Variants in UNC5A observed in about 807,000 individuals in gnomAD.
The protein encoded by UNC5A is unc-5 netrin receptor A, also known as netrin receptor UNC5A.
In UNC5A, 20 loss-of-function variants were observed where a neutral mutation model predicts 87.4. The observed-to-expected ratio is 0.23, with a 90% confidence interval of 0.16 to 0.33. UNC5A has a LOEUF of 0.33. UNC5A is among the 10% of genes least tolerant of loss of function. The pLI, the probability that UNC5A is intolerant of heterozygous loss-of-function variation, is 1.00. For synonymous variants in UNC5A, 438 were observed against 482.3 expected (o/e 0.91, Z 1.20); for missense variants, 844 against 1,133.4 (o/e 0.74, Z 3.67).
Position 176,830,430 on chromosome 5 carries a change from T to C in UNC5A, c.70+19610T>C, listed in dbSNP as rs542391043. Among the ~76,000 whole-genome samples, 29 of 131,760 alleles carry C rather than the reference T, an allele frequency of 2.2e-4. No homozygotes were observed. The East Asian group carries it at 6.3e-3, about 29-fold the overall frequency. 86.4% of individuals were successfully genotyped at this position (131,760 alleles called of 152,430 possible). ...GTGCCAGTGCGTGTGTGTGCTGCTG[T>C]GTGCTGGCATGTGTGTGTGTGTGTT... is the stretch of plus-strand genomic sequence containing the variant. On this transcript the variant is annotated intron_variant, in intron 1 of 14. Transcript: ENST00000329542.
intron 8 of UNC5A, among the ~76,000 whole-genome samples, chr5:176,876,670 A>G (rs4976630): frequency 0.13 from 19,040 of 152,210 alleles, 1,624 homozygotes; most frequent in African/African-American, 0.24. Context: ...GGACCATGGC[A>G]TGGCAGAGAG....
chr5:176,848,411 A>G lies in UNC5A; in HGVS notation c.71-14213A>G, dbSNP rs773384591. Among the ~76,000 whole-genome samples the G allele has an allele frequency of 2.0e-5, 3 of 152,212 alleles. No individual in the cohort carries two copies. Among genetic ancestry groups the G allele is most frequent in the Non-Finnish European group, 4.4e-5 (3 of 68,038 alleles). ...TTCCTCCATGTTCCTCCAAGACCCT[A>G]GAGCCCATTAAAGGGGCAGGAAAGA... On this transcript the variant is annotated intron_variant, in intron 1 of 14. Transcript: ENST00000329542. This position sits in a 1 kb window ranked among gnomAD's most constrained non-coding sequence, Gnocchi z 5.8.
At chr5:176,812,973 C>T (rs190299849) in intron 1 of UNC5A, among the ~76,000 whole-genome samples, 1,833 of 152,324 alleles carry the variant, frequency 0.012, 43 homozygotes, top group African/African-American at 0.041. Flanking sequence ...GTCTGTGAGC[C>T]GCTGAGGGAG....
chr5:176,814,587 C>G (rs1756544575), intron 1 of UNC5A, among the ~76,000 whole-genome samples: 1 of 152,216 alleles, frequency 6.6e-6, no homozygotes, highest in African/African-American at 2.4e-5. Flanking sequence ...CCCACCTCCT[C>G]CCCTGCAAAG....
At position 176,869,862 on chromosome 5, in the gene UNC5A, C is replaced by A. The variant is rs987125309; in HGVS notation, c.722-508C>A. 1.7e-6 allele frequency: 1 copy of A among 577,552 alleles called. No homozygotes were observed. Among genetic ancestry groups the A allele is most frequent in the Non-Finnish European group, 3.1e-6 (1 of 322,294 alleles). The allele number at this position is 577,552 out of a possible 1,614,324, so 35.8% of individuals were successfully genotyped here. ...GGCTCCATCGCGCCCACCAGCCTGC[C>A]CCCCCATGGCTCCATCCCACCCACC... On this transcript the variant is annotated intron_variant, in intron 5 of 14. Coordinates refer to ENST00000329542, the MANE Select transcript of UNC5A (RefSeq NM_133369.3). This position sits in a 1 kb window ranked among gnomAD's most constrained non-coding sequence, Gnocchi z 9.1.
intron 1 of UNC5A, among the ~76,000 whole-genome samples, chr5:176,831,210 G>C (rs147726209): frequency 2.0e-5 from 3 of 152,102 alleles, no homozygotes; most frequent in African/African-American, 7.2e-5. Context: ...ACCTGCTGTC[G>C]CCATACAAGA....
intron 14 of UNC5A, 24 bp downstream of exon 14, chr5:176,879,512 G>T (rs1348449090): frequency 1.9e-6 from 3 of 1,584,060 alleles, no homozygotes; most frequent in Non-Finnish European, 2.6e-6. Flanking sequence ...GGGCAGAGAG[G>T]GCCTGCGCAG....
rs560237874 is a variant in UNC5A at position 176,848,816 on chromosome 5, C to A, written c.71-13808C>A. ...ATGGGCAGCCGCGGCCTGGGCCCTG[C>A]GCGTCTCGGGATTGCAGCTTCTCCC... On this transcript the variant is annotated intron_variant, in intron 1 of 14. Transcript: ENST00000329542. This position sits in a 1 kb window ranked among gnomAD's most constrained non-coding sequence, Gnocchi z 5.8. Among the ~76,000 whole-genome samples, 4 of 152,138 alleles carry A rather than the reference C, an allele frequency of 2.6e-5. No homozygotes were observed. Among genetic ancestry groups the A allele is most frequent in the African/African-American group, 9.7e-5 (4 of 41,428 alleles).
At chr5:176,847,114 T>C (rs986473009) in intron 1 of UNC5A, among the ~76,000 whole-genome samples, 1 of 152,096 alleles carries the variant, frequency 6.6e-6, no homozygotes, top group Admixed American at 6.5e-5. Flanking sequence ...TGGGAGCAGA[T>C]GAAGGTCTGC....
chr5:176,874,194 T>A lies in UNC5A; in HGVS notation c.1075+38T>A, dbSNP rs1554100208. The A allele has an allele frequency of 6.2e-7, 1 of 1,603,886 alleles. No homozygotes were observed. Among genetic ancestry groups the A allele is most frequent in the African/African-American group, 1.3e-5 (1 of 74,574 alleles). ...GTGCCCCCAGCACTCCTGCCCCAGC[T>A]CCCACGCCAAGGGCTGCTGGGGCAG... On this transcript the variant is annotated intron_variant, in intron 7 of 14. Coordinates refer to ENST00000329542, the MANE Select transcript of UNC5A (RefSeq NM_133369.3). The surrounding 1 kb of genome is among the most constrained non-coding windows in gnomAD (Gnocchi z 7.6).
intron 6 of UNC5A, among the ~76,000 whole-genome samples, chr5:176,871,835 GC>G (rs199837528): frequency 0.033 from 553 of 16,656 alleles, no homozygotes; most frequent in African/African-American, 0.07. Context: ...GCCCACACTC[GC>G]CCCAACACCA....
chr5:176,847,546 G>A (rs981862950), intron 1 of UNC5A, among the ~76,000 whole-genome samples: 2 of 152,122 alleles, frequency 1.3e-5, no homozygotes, highest in Admixed American at 1.3e-4. Flanking sequence ...CTCAGTTAAT[G>A]CCCTTGGTTT....
chr5:176,859,789 C>G (rs1317440877), intron 1 of UNC5A, among the ~76,000 whole-genome samples: 1 of 70,006 alleles, frequency 1.4e-5, no homozygotes, highest in Non-Finnish European at 5.6e-5. Flanking sequence ...GAGGGCATAG[C>G]TGCTAGAATG....
At position 176,813,299 on chromosome 5, in the gene UNC5A, G is replaced by A. The variant is rs772925453; in HGVS notation, c.70+2479G>A. Among the ~76,000 whole-genome samples, 80 of 152,342 alleles carry A rather than the reference G, an allele frequency of 5.3e-4. 1 individual carries two copies. The highest frequency in any genetic ancestry group is 1.0e-3 in the Non-Finnish European group (68 of 68,030). On this transcript the variant is annotated intron_variant, in intron 1 of 14. Transcript: ENST00000329542. ...AGCTGGCTCCCTTGAAGATGGGGCT[G>A]AGGGGTGCCATGCTCTGGCATTGCT...
Position 176,879,800 on chromosome 5 carries a change from G to A in UNC5A, c.2443G>A (p.Gly815Ser), listed in dbSNP as rs767036369. 5.6e-6 allele frequency: 9 copies of A among 1,613,250 alleles called. No homozygotes were observed. Among genetic ancestry groups the A allele is most frequent in the South Asian group, 5.5e-5 (5 of 91,078 alleles). The change falls in exon 15 of 15, where the codon GGC (glycine) becomes AGC (serine). Residue 815 changes from glycine (G) to serine (S), a missense_variant. This residue lies in a region of UNC5A where 177 missense variants were observed against 279.4 expected (regional missense o/e 0.63). Coordinates refer to ENST00000329542, the MANE Select transcript of UNC5A (RefSeq NM_133369.3). ...NLWEARHFPNGNLSQLAAAVA... is the reference protein window; with the variant it reads ...NLWEARHFPNSNLSQLAAAVA... ...GTGGGAGGCGCGGCACTTCCCCAAC[G>A]GCAACCTCAGCCAGCTGGCTGCAGC...
At chr5:176,852,054 G>A (rs923123176) in intron 1 of UNC5A, among the ~76,000 whole-genome samples, 2 of 152,140 alleles carry the variant, frequency 1.3e-5, no homozygotes, top group East Asian at 3.9e-4. Context: ...TGTTCCCAGC[G>A]CCCTGCCGGC....
intron 1 of UNC5A, among the ~76,000 whole-genome samples, chr5:176,828,337 G>A (rs1756904987): frequency 6.6e-6 from 1 of 152,156 alleles, no homozygotes; most frequent in Non-Finnish European, 1.5e-5. Flanking sequence ...GGGGCAGTGG[G>A]GGTGAGGGAG....
Position 176,878,250 on chromosome 5 carries a change from G to A in UNC5A, c.1876G>A (p.Val626Met), listed in dbSNP as rs1356605371. The A allele has an allele frequency of 1.3e-5, 21 of 1,611,358 alleles. No individual in the cohort carries two copies. Among genetic ancestry groups the A allele is most frequent in the East Asian group, 4.5e-5 (2 of 44,890 alleles). Residue 626 changes from valine to methionine, a missense_variant, in exon 12 of 15, where the codon GTG becomes ATG. By Grantham distance (21) the Val-to-Met change is conservative. Around this residue, in one of 3 missense-constraint regions of UNC5A, gnomAD observed 177 missense variants for 279.4 expected, o/e 0.63. Transcript: ENST00000329542. The part of the protein sequence containing the change: ...HDTHDALKEV[V>M]QLEKQLGGQL... ...ACCACCTGGGGCACTGCAGGAGGTGGTGCAGCTGGAGAAGCAGCTGGGGGG... is the reference window on the plus strand; with the variant it reads ...ACCACCTGGGGCACTGCAGGAGGTGATGCAGCTGGAGAAGCAGCTGGGGGG...
chr5:176,860,540 C>A (rs1012784188), intron 1 of UNC5A, among the ~76,000 whole-genome samples: 1 of 152,158 alleles, frequency 6.6e-6, no homozygotes, highest in Non-Finnish European at 1.5e-5. Flanking sequence ...GTGACCATGG[C>A]GAGCACACAG....
Sources: gnomAD v4.1 joint callset for allele counts (sites outside exome capture counted in the v4.1 genomes callset) on GRCh38, gnomAD v4.1.1 for gene constraint, gnomAD v4.1.1 regional missense constraint, Gnocchi (gnomAD v3.1) non-coding constraint, MANE v1.5 for transcripts, NCBI Gene and HGNC (gene_info 2026-07-23, HGNC 2026-07-21) for gene names.